The following RTN4 variants were observed in gnomAD, a reference collection of about 807,000 sequenced individuals.
The protein encoded by RTN4 is reticulon 4.
RTN4 carries 32 observed loss-of-function variants against 90.4 expected under a neutral mutation model. The ratio of observed to expected loss-of-function variants is 0.35; its 90% CI spans 0.27 to 0.48. RTN4 has a LOEUF of 0.48. Among genes scored for constraint, RTN4 ranks in the 20% least tolerant of loss-of-function variants. The pLI is 0.99. For missense variants in RTN4, 1,706 were observed against 1,430.2 expected (o/e 1.19, Z -3.11); for synonymous variants, 629 against 552.5 (o/e 1.14, Z -1.94).
chr2:55,105,201 C>T (rs1426951845), intron 1 of RTN4, among the ~76,000 whole-genome samples: 2 of 127,842 alleles, frequency 1.6e-5, no homozygotes, highest in Admixed American at 7.7e-5. Flanking sequence ...TTACTCATTG[C>T]CTTCCCCCCT....
the RTN4 span, among the ~76,000 whole-genome samples, chr2:55,130,302 A>G: frequency 6.6e-6 from 1 of 152,364 alleles, no homozygotes; most frequent in African/African-American, 2.4e-5. Flanking sequence ...ACTCCCCACT[A>G]AACCATACAT....
intron 2 of RTN4, among the ~76,000 whole-genome samples, chr2:55,069,205 G>GA (rs918862129): frequency 6.6e-6 from 1 of 152,118 alleles, no homozygotes; most frequent in African/African-American, 2.4e-5. Context: ...ACCTAGCTCA[G>GA]AAAAAAACCT....
At chr2:54,993,467 T>A (rs762283095) in intron 3 of RTN4, among the ~76,000 whole-genome samples, 34 of 152,158 alleles carry the variant, frequency 2.2e-4, no homozygotes, top group Non-Finnish European at 4.0e-4. Flanking sequence ...AAGTCAATTT[T>A]CCCAAAGTTA....
rs1399206391 is a variant in RTN4 at position 54,974,682 on chromosome 2, T to A, written c.3430+13A>T. ...TCCAGCAATTTTTCATCCCAATGGCTTTGTAGACTTACCCAAAATCAGTAG... is the reference window on the plus strand; with the variant it reads ...TCCAGCAATTTTTCATCCCAATGGCATTGTAGACTTACCCAAAATCAGTAG... On this transcript the variant is annotated intron_variant, in intron 6 of 8. Transcript: ENST00000337526. 6.2e-7 allele frequency: 1 copy of A among 1,605,174 alleles called. No homozygotes were observed.
At chr2:55,135,281 C>G in the RTN4 span, among the ~76,000 whole-genome samples, 1 of 146,562 alleles carries the variant, frequency 6.8e-6, no homozygotes, top group Non-Finnish European at 1.5e-5. Context: ...AATCTTGACT[C>G]ACGGCAACCT....
chr2:54,990,018 A>T (rs978780860), intron 3 of RTN4, among the ~76,000 whole-genome samples: 1 of 152,182 alleles, frequency 6.6e-6, no homozygotes, highest in Non-Finnish European at 1.5e-5. Flanking sequence ...ATACACACAA[A>T]CAGAAAACTT....
At chr2:55,095,687 C>T (rs1055224099) in intron 1 of RTN4, among the ~76,000 whole-genome samples, 2 of 152,126 alleles carry the variant, frequency 1.3e-5, no homozygotes, top group Admixed American at 6.5e-5. Flanking sequence ...TATAGGCACT[C>T]GCCACCACAC....
At chr2:55,020,337 G>A (rs1681333275) in intron 3 of RTN4, among the ~76,000 whole-genome samples, 1 of 151,944 alleles carries the variant, frequency 6.6e-6, no homozygotes, top group Non-Finnish European at 1.5e-5. Flanking sequence ...GCATGGTACT[G>A]GCATAAAAAC....
rs773434721 is a variant in RTN4 at position 54,974,713 on chromosome 2, G to A, written c.3412C>T (p.Leu1138=). 3 of 1,613,602 alleles carry A rather than the reference G, an allele frequency of 1.9e-6. No homozygotes were observed. The highest frequency in any genetic ancestry group is 3.3e-5 in the Admixed American group (2 of 59,994). Residue 1138 remains leucine (L), a synonymous_variant, in exon 6 of 9, where the codon CTG becomes TTG. Transcript: ENST00000337526. ...FTYVGALFNG[L]TLLILALISL... is the part of the protein sequence containing the mutation. ...GACTTACCCAAAATCAGTAGTGTCAGACCATTAAACAAGGCACCAACATAG... is the reference window on the plus strand; with the variant it reads ...GACTTACCCAAAATCAGTAGTGTCAAACCATTAAACAAGGCACCAACATAG...
At chr2:55,015,801 C>G (rs1680991069) in intron 3 of RTN4, among the ~76,000 whole-genome samples, 1 of 152,188 alleles carries the variant, frequency 6.6e-6, no homozygotes, top group African/African-American at 2.4e-5. Flanking sequence ...GTGACTGTCA[C>G]TGTACTTTCT....
chr2:54,991,907 T>C (rs1028209217), intron 3 of RTN4, among the ~76,000 whole-genome samples: 1 of 152,198 alleles, frequency 6.6e-6, no homozygotes, highest in Non-Finnish European at 1.5e-5. Context: ...AGAGAAACTT[T>C]TTAAAAGTTT....
At chr2:55,136,710 G>C in the RTN4 span, among the ~76,000 whole-genome samples, 1 of 152,216 alleles carries the variant, frequency 6.6e-6, no homozygotes, top group African/African-American at 2.4e-5. Flanking sequence ...ATGAACATTT[G>C]ATTACCTGTT....
At chr2:55,038,762 C>T (rs1682863201) in intron 1 of RTN4, among the ~76,000 whole-genome samples, 1 of 152,110 alleles carries the variant, frequency 6.6e-6, no homozygotes, top group Non-Finnish European at 1.5e-5. Flanking sequence ...CAAGTATTTA[C>T]CTAAGAGAAA....
Position 55,025,655 on chromosome 2 carries a change from A to C in RTN4, c.2444T>G (p.Leu815Ter). 1 of 1,613,844 alleles carries C rather than the reference A, an allele frequency of 6.2e-7. No homozygotes were observed. The highest frequency in any genetic ancestry group is 8.5e-7 in the Non-Finnish European group (1 of 1,179,832). Residue 815 changes from leucine to a stop codon, truncating the protein, a stop_gained, in exon 3 of 9, where the codon TTA becomes TGA. Coordinates refer to ENST00000337526, the MANE Select transcript of RTN4 (RefSeq NM_020532.5). LOFTEE classifies it high-confidence loss of function. ...LSLDNTKDTL[L>*]PDEVSTLSKK... is the part of the protein sequence containing the mutation. ...GCTCAATGTTGAAACTTCATCAGGT[A>C]ACAGGGTATCTTTTGTGTTATCTAA...
At chr2:55,072,797 A>G (rs896912058) in intron 2 of RTN4, among the ~76,000 whole-genome samples, 1 of 152,210 alleles carries the variant, frequency 6.6e-6, no homozygotes, top group Non-Finnish European at 1.5e-5. Context: ...TCTAACTATA[A>G]GGATCACAAC....
chr2:55,032,731 A>C lies in RTN4; in HGVS notation c.557-4511T>G, dbSNP rs553171980. Among the ~76,000 whole-genome samples, 137 of 152,164 alleles carry C rather than the reference A, an allele frequency of 9.0e-4. 1 individual carries two copies. The highest frequency in any genetic ancestry group is 3.0e-3 in the African/African-American group (126 of 41,528). On this transcript the variant is annotated intron_variant, in intron 1 of 8. Coordinates refer to ENST00000337526, the MANE Select transcript of RTN4 (RefSeq NM_020532.5). ...AAATACCTATAATTGCAGTCCCCTT[A>C]AAAAAAGCAACAGTGGCCAGGCATG... is the stretch of plus-strand genomic sequence containing the variant.
chr2:55,028,383 A>C (rs540539110), intron 1 of RTN4, among the ~76,000 whole-genome samples, 163 bp from the exon 2 acceptor site: 2 of 152,344 alleles, frequency 1.3e-5, no homozygotes, highest in African/African-American at 4.8e-5. Flanking sequence ...AGTACCATTA[A>C]TTCAGGTTAA....
intron 1 of RTN4, among the ~76,000 whole-genome samples, chr2:55,029,111 G>C (rs1303204687): frequency 1.3e-5 from 2 of 152,160 alleles, no homozygotes; most frequent in Non-Finnish European, 2.9e-5. Flanking sequence ...AGACACCAGA[G>C]AGCTTGCTGT....
chr2:55,060,876 TACC>T (rs1441146068), intron 2 of RTN4: 1 of 152,240 alleles, frequency 6.6e-6, no homozygotes, highest in East Asian at 1.9e-4. Context: ...GCCAAGATCA[TACC>T]ACTGTACTCC....
Sources: gnomAD v4.1 joint callset for allele counts (sites outside exome capture counted in the v4.1 genomes callset) on GRCh38, gnomAD v4.1.1 for gene constraint, MANE v1.5 for transcripts, NCBI Gene and HGNC (gene_info 2026-07-23, HGNC 2026-07-21) for gene names.